TEK: variants seen among roughly 807,000 people sequenced by gnomAD.
TEK encodes the protein TEK receptor tyrosine kinase.
Under a neutral mutation model 131.8 loss-of-function variants are expected in TEK, and 43 were observed. That is an observed-to-expected ratio of 0.33 (90% confidence interval 0.26 to 0.42). TEK has a LOEUF of 0.42. Ranked by LOEUF, TEK falls within the 10% of genes least tolerant of loss-of-function variation. TEK has a pLI of 1.00. For missense variants in TEK, 1,162 were observed against 1,384.4 expected (o/e 0.84, Z 2.55); for synonymous variants, 580 against 491.6 (o/e 1.18, Z -2.38).
chr9:27,137,506 C>T (rs1054475861), intron 1 of TEK, among the ~76,000 whole-genome samples: 7 of 151,904 alleles, frequency 4.6e-5, no homozygotes, highest in African/African-American at 1.7e-4. Flanking sequence ...ATTACATAAA[C>T]TCATTAGCAA....
chr9:27,224,131 C>T (rs1435778542), intron 21 of TEK, among the ~76,000 whole-genome samples: 2 of 152,102 alleles, frequency 1.3e-5, no homozygotes, highest in Admixed American at 1.3e-4. Context: ...AGCTTACCTA[C>T]CAAAAAAAGT....
At chr9:27,224,994 A>C (rs1826255266) in intron 21 of TEK, among the ~76,000 whole-genome samples, 1 of 152,204 alleles carries the variant, frequency 6.6e-6, no homozygotes, top group Non-Finnish European at 1.5e-5. Context: ...CCATGAGTGA[A>C]CTCTCATTCA....
chr9:27,160,040 T>A (rs1014029637), intron 2 of TEK, among the ~76,000 whole-genome samples: 27 of 78,240 alleles, frequency 3.5e-4, no homozygotes, highest in African/African-American at 5.0e-4. Context: ...TTTTTTTTTT[T>A]AAAGACAAGG....
chr9:27,122,876 AC>A (rs1821844431), intron 1 of TEK, among the ~76,000 whole-genome samples: 1 of 151,386 alleles, frequency 6.6e-6, no homozygotes, highest in South Asian at 2.1e-4. Flanking sequence ...ATACAGTGAA[AC>A]CCTGTCTCTA....
chr9:27,170,750 T>C (rs1455922807), intron 4 of TEK, among the ~76,000 whole-genome samples: 1 of 152,158 alleles, frequency 6.6e-6, no homozygotes, highest in African/African-American at 2.4e-5. Flanking sequence ...GCTTCAGCAA[T>C]GTTTCTTTCA....
At chr9:27,161,751 C>G (rs1823557414) in intron 2 of TEK, among the ~76,000 whole-genome samples, 1 of 152,200 alleles carries the variant, frequency 6.6e-6, no homozygotes, top group Admixed American at 6.5e-5. Context: ...ACCTCTGCAA[C>G]TGAGTGGTGT....
rs1208496953 is a variant in TEK at position 27,169,532 on chromosome 9, C to T, written c.531C>T (p.His177=). Residue 177 remains histidine, a synonymous_variant, in exon 4 of 23, where the codon CAC becomes CAT. Transcript: ENST00000380036. ...RHEVPDILEV[H]LPHAQPQDAG... is the part of the protein sequence containing the mutation. Reference sequence around the variant, plus strand: ...AAGTACCTGATATTCTAGAAGTACACCTGCCTCATGCTCAGCCCCAGGATG... The same window carrying T: ...AAGTACCTGATATTCTAGAAGTACATCTGCCTCATGCTCAGCCCCAGGATG... 3 of 1,614,162 alleles carry T rather than the reference C, an allele frequency of 1.9e-6. No individual in the cohort carries two copies. Among genetic ancestry groups the T allele is most frequent in the East Asian group, 2.2e-5 (1 of 44,888 alleles).
rs2131229748 is a variant in TEK, at chr9:27,213,577, G to T, written c.2971G>T (p.Val991Leu). Residue 991 changes from valine to leucine, a missense_variant, in exon 18 of 23, where the codon GTG becomes TTG. By Grantham distance (32) the Val-to-Leu change is conservative. Transcript: ENST00000380036. The part of the protein sequence containing the change: ...ADFGLSRGQE[V>L]YVKKTMGRLP... ...TTTTGGATTGTCCCGAGGTCAAGAG[G>T]TGTATGTGAAAAAGACAATGGTAAG... The T allele has an allele frequency of 1.9e-6, 3 of 1,613,728 alleles. No individual in the cohort carries two copies. The highest frequency in any genetic ancestry group is 2.5e-6 in the Non-Finnish European group (3 of 1,179,718).
At chr9:27,113,585 TCAA>T (rs1821432186) in intron 1 of TEK, among the ~76,000 whole-genome samples, 1 of 29,000 alleles carries the variant, frequency 3.4e-5, no homozygotes, top group African/African-American at 8.0e-5. Context: ...AGACTCCGTC[TCAA>T]TAAAATAAAA....
chr9:27,109,759 G>C, intron 1 of TEK, 117 bp downstream of exon 1: 2 of 979,970 alleles, frequency 2.0e-6, no homozygotes, highest in Non-Finnish European at 3.2e-6. Context: ...TGTAGCAAAG[G>C]CACCATTTCT....
chr9:27,137,883 C>G (rs1822546355), intron 1 of TEK, among the ~76,000 whole-genome samples: 1 of 152,152 alleles, frequency 6.6e-6, no homozygotes, highest in Non-Finnish European at 1.5e-5. Flanking sequence ...CTTGGTCTCA[C>G]TGTGGACCCT....
chr9:27,138,256 A>T (rs559836688), intron 1 of TEK, among the ~76,000 whole-genome samples: 1 of 152,224 alleles, frequency 6.6e-6, no homozygotes, highest in African/African-American at 2.4e-5. Flanking sequence ...CTGCTGGCTC[A>T]GGTGGCCAGC....
chr9:27,222,811 G>GA (rs1367172355), intron 21 of TEK, among the ~76,000 whole-genome samples: 2 of 151,950 alleles, frequency 1.3e-5, no homozygotes, highest in Non-Finnish European at 2.9e-5. Context: ...CAACTAATGG[G>GA]AAAAATAACC....
chr9:27,160,017 T>G (rs1044248262), intron 2 of TEK, among the ~76,000 whole-genome samples: 6 of 103,662 alleles, frequency 5.8e-5, no homozygotes, highest in Non-Finnish European at 1.2e-4. Flanking sequence ...AGGGTTTTTT[T>G]TTTTTTTTTT....
At chr9:27,132,111 G>A (rs1352587499) in intron 1 of TEK, among the ~76,000 whole-genome samples, 4 of 145,470 alleles carry the variant, frequency 2.7e-5, no homozygotes, top group Non-Finnish European at 4.5e-5. Context: ...TTCTTGAGAC[G>A]GAGTCTTGCT....
Position 27,204,982 on chromosome 9 carries a change from A to G in TEK, c.2281A>G (p.Thr761Ala). 1 of 1,614,046 alleles carries G rather than the reference A, an allele frequency of 6.2e-7. No individual in the cohort carries two copies. The highest frequency in any genetic ancestry group is 8.5e-7 in the Non-Finnish European group (1 of 1,179,936). ...ILGSAGMTCL[T>A]VLLAFLIILQ... ...TGGCTCTGCTGGAATGACCTGCCTG[A>G]CTGTGCTGTTGGCCTTTCTGATCAT... The change falls in exon 14 of 23, where the codon ACT becomes GCT. Residue 761 changes from threonine to alanine, a missense_variant. Thr to Ala is a moderately conservative substitution (Grantham distance 58). Transcript: ENST00000380036.
intron 21 of TEK, among the ~76,000 whole-genome samples, chr9:27,224,905 A>G (rs770307067): frequency 2.0e-5 from 3 of 152,222 alleles, no homozygotes; most frequent in Non-Finnish European, 2.9e-5. Flanking sequence ...CAACTTCAGC[A>G]AAGTCTCAGG....
chr9:27,176,982 C>T (rs1293138190), intron 6 of TEK, among the ~76,000 whole-genome samples: 2 of 152,128 alleles, frequency 1.3e-5, no homozygotes, highest in Non-Finnish European at 2.9e-5. Context: ...GCATGGTGCC[C>T]TCCAGGTTCA....
chr9:27,126,424 C>T (rs1224866979), intron 1 of TEK, among the ~76,000 whole-genome samples: 1 of 152,170 alleles, frequency 6.6e-6, no homozygotes, highest in Non-Finnish European at 1.5e-5. Context: ...GAGGGCTGAG[C>T]AGAAGTTCTG....
Sources: gnomAD v4.1 joint callset for allele counts (sites outside exome capture counted in the v4.1 genomes callset) on GRCh38, gnomAD v4.1.1 for gene constraint, MANE v1.5 for transcripts, NCBI Gene and HGNC (gene_info 2026-07-23, HGNC 2026-07-21) for gene names.